Variants in RYR3 observed in about 807,000 individuals in gnomAD.
The protein encoded by RYR3 is brain ryanodine receptor-calcium release channel.
Under a neutral mutation model 584.3 loss-of-function variants are expected in RYR3, and 207 were observed. That is an observed-to-expected ratio of 0.35 (90% confidence interval 0.32 to 0.40). The LOEUF (loss-of-function observed/expected upper bound fraction) is 0.40. RYR3 is among the 10% of genes least tolerant of loss of function. The pLI is 1.00. For missense variants in RYR3, 5,616 were observed against 6,089.2 expected, an observed-to-expected ratio of 0.92 and a Z score of 2.59; for synonymous variants, 2,416 against 2,248.5, an observed-to-expected ratio of 1.07 and a Z score of -2.11.
At chr15:33,630,306 G>A (rs2061201674) in intron 22 of RYR3, among the ~76,000 whole-genome samples, 1 of 152,086 alleles carries the variant, frequency 6.6e-6, no homozygotes, top group Non-Finnish European at 1.5e-5. Context: ...AAAGGACCAA[G>A]TACCTCCTGC....
Position 33,794,764 on chromosome 15 carries a change from T to C in RYR3, c.9831-6006T>C, listed in dbSNP as rs115536997. Among the ~76,000 whole-genome samples the C allele has an allele frequency of 5.3e-3, 806 of 152,292 alleles. 6 individuals are homozygous for C. Among genetic ancestry groups the C allele is most frequent in the African/African-American group, 0.018 (751 of 41,564 alleles). ...TACAGGCTTCCAACATGAGTGCCTT[T>C]AGTTTCTTCAGGTCCTCTCTTCATC... On this transcript the variant is annotated intron_variant, in intron 67 of 103. Coordinates refer to ENST00000634891, the MANE Select transcript of RYR3 (RefSeq NM_001036.6).
In RYR3 at chr15:33,550,283, C is replaced by G; in HGVS notation, c.939C>G (p.Thr313=). Residue 313 remains threonine (T), a synonymous_variant, in exon 10 of 104, where the codon ACC becomes ACG. Coordinates refer to ENST00000634891, the MANE Select transcript of RYR3 (RefSeq NM_001036.6). Reference sequence around the variant, plus strand: ...TGCAAGACCGGGCAAAGTCAGACACCAAGTCCACAGCTTTCTCTTTCCGGG... The same window carrying G: ...TGCAAGACCGGGCAAAGTCAGACACGAAGTCCACAGCTTTCTCTTTCCGGG... ...LILQDRAKSD[T]KSTAFSFRAS... is the part of the protein sequence containing the mutation. 3 of 1,613,428 alleles carry G rather than the reference C, an allele frequency of 1.9e-6. No homozygotes were observed. Among genetic ancestry groups the G allele is most frequent in the Non-Finnish European group, 2.5e-6 (3 of 1,179,668 alleles).
At chr15:33,312,324 A>C (rs1471635868) in intron 1 of RYR3, among the ~76,000 whole-genome samples, 1 of 151,780 alleles carries the variant, frequency 6.6e-6, no homozygotes, top group Non-Finnish European at 1.5e-5. Context: ...AATTTACTTC[A>C]GTTTCTCTTC....
At chr15:33,810,707 T>A in intron 71 of RYR3, 58 bp downstream of exon 71, 1 of 1,604,802 alleles carries the variant, frequency 6.2e-7, no homozygotes, top group Non-Finnish European at 8.5e-7. Context: ...GTGATAAGCA[T>A]TCAGCCCCTG....
chr15:33,739,751 T>C, intron 50 of RYR3, 81 bp from the exon 51 acceptor site: 1 of 1,210,886 alleles, frequency 8.3e-7, no homozygotes, highest in East Asian at 2.4e-5. Context: ...TTATTTCTGT[T>C]TTCAGCTGAT....
chr15:33,595,646 T>C (rs1024519943), intron 16 of RYR3, among the ~76,000 whole-genome samples: 2 of 152,176 alleles, frequency 1.3e-5, no homozygotes, highest in Non-Finnish European at 2.9e-5. Flanking sequence ...TTATTTTGAT[T>C]GACATCTTCT....
At chr15:33,532,135 G>A (rs1040460196) in intron 4 of RYR3, among the ~76,000 whole-genome samples, 14 of 152,042 alleles carry the variant, frequency 9.2e-5, no homozygotes, top group African/African-American at 3.4e-4. Flanking sequence ...TCTTCCTCTC[G>A]CAGAGAAGTA....
At chr15:33,778,424 G>A (rs1219791589) in intron 64 of RYR3, among the ~76,000 whole-genome samples, 1 of 152,192 alleles carries the variant, frequency 6.6e-6, no homozygotes, top group Non-Finnish European at 1.5e-5. Context: ...TCTTGTGAAT[G>A]CCTGTATTTG....
At chr15:33,753,686 C>T (rs1035030416) in intron 57 of RYR3, among the ~76,000 whole-genome samples, 3 of 152,060 alleles carry the variant, frequency 2.0e-5, no homozygotes, top group Non-Finnish European at 2.9e-5. Context: ...TCTATTGTAT[C>T]TCATATGAAA....
chr15:33,379,687 C>CTCTCTCTCTCTCTATATATATATATATA, intron 1 of RYR3, among the ~76,000 whole-genome samples: 21 of 125,508 alleles, frequency 1.7e-4, no homozygotes, highest in African/African-American at 4.3e-4. Context: ...CTCTCTCTCT[C>CTCTCTCTCTCTCTATATATATATATATA]TATATATATA....
At position 33,628,387 on chromosome 15, in the gene RYR3, A is replaced by G. The variant is rs2061100715; in HGVS notation, c.2575-84A>G. ...GCAGCTCCTCCTGGGTGATGTGCCAATTCAAGTGGGGTGCCCAGCTCCTAT... is the reference window on the plus strand; with the variant it reads ...GCAGCTCCTCCTGGGTGATGTGCCAGTTCAAGTGGGGTGCCCAGCTCCTAT... On this transcript the variant is annotated intron_variant, in intron 20 of 103. Transcript: ENST00000634891. The G allele has an allele frequency of 1.6e-5, 15 of 928,900 alleles. No homozygotes were observed. In the East Asian group the frequency reaches 3.0e-4, roughly 19 times the overall value. The allele number at this position is 928,900 out of a possible 1,614,324, so 57.5% of individuals were successfully genotyped here. A position where few individuals can be genotyped will look rare whatever the true frequency, so the allele number is the denominator to read the frequency against.
At position 33,789,529 on chromosome 15, in the gene RYR3, G is replaced by A. The variant is rs892999389; in HGVS notation, c.9830+1071G>A. 2.0e-5 allele frequency among the ~76,000 whole-genome samples: 3 copies of A among 146,478 alleles called. No homozygotes were observed. In the Admixed American group the frequency reaches 2.1e-4, roughly 10 times the overall value. On this transcript the variant is annotated intron_variant, in intron 67 of 103. Coordinates refer to ENST00000634891, the MANE Select transcript of RYR3 (RefSeq NM_001036.6). ...TTCCTTTTGGGGTGATGAAAACATC[G>A]TGGAACTGGATGATTGTAGTTTCAC...
chr15:33,549,098 A>T (rs2056474655), intron 9 of RYR3, among the ~76,000 whole-genome samples: 1 of 152,052 alleles, frequency 6.6e-6, no homozygotes, highest in South Asian at 2.1e-4. Flanking sequence ...TTGGCGGCTG[A>T]TGGTTTAAGG....
intron 12 of RYR3, among the ~76,000 whole-genome samples, chr15:33,568,855 C>T (rs554071744): frequency 5.3e-5 from 8 of 152,306 alleles, no homozygotes; most frequent in South Asian, 2.1e-4. Context: ...CTAGTTGCCA[C>T]CCACAGCCCT....
intron 3 of RYR3, among the ~76,000 whole-genome samples, chr15:33,516,301 A>G (rs1048936354): frequency 6.0e-5 from 9 of 151,218 alleles, no homozygotes; most frequent in Admixed American, 4.6e-4. Flanking sequence ...ACATACATGT[A>G]TATCCCTCTA....
At position 33,684,442 on chromosome 15, in the gene RYR3, G is replaced by A. The variant is rs540521789; in HGVS notation, c.5861-11776G>A. On this transcript the variant is annotated intron_variant, in intron 38 of 103. Coordinates refer to ENST00000634891, the MANE Select transcript of RYR3 (RefSeq NM_001036.6). ...GAGAATTAACAAACAGAAAAGAATA[G>A]CATCAACATTAAAAAAAAGGACATC... Among the ~76,000 whole-genome samples the A allele has an allele frequency of 1.1e-3, 157 of 140,088 alleles. 1 individual carries two copies. In the Middle Eastern group the frequency reaches 0.014, roughly 13 times the overall value. The allele number at this position is 140,088 out of a possible 152,430, so 91.9% of individuals were successfully genotyped here. A position where few individuals can be genotyped will look rare whatever the true frequency, so the allele number is the denominator to read the frequency against.
chr15:33,676,611 A>G (rs2064194997), intron 38 of RYR3, among the ~76,000 whole-genome samples: 1 of 151,824 alleles, frequency 6.6e-6, no homozygotes, highest in African/African-American at 2.4e-5. Context: ...CAAGGGCAGA[A>G]CTTTACTTTT....
chr15:33,460,874 T>G (rs2459470), intron 1 of RYR3, among the ~76,000 whole-genome samples: 87,472 of 148,764 alleles, frequency 0.59, 26,866 homozygotes, highest in African/African-American at 0.79. Flanking sequence ...TCCGTGATTT[T>G]TGATAGGAAC....
At chr15:33,629,899 G>C in intron 21 of RYR3, 41 bp from the exon 22 acceptor site, 1 of 1,199,214 alleles carries the variant, frequency 8.3e-7, no homozygotes, top group South Asian at 1.3e-5. Flanking sequence ...GTGCCAGCTG[G>C]TCAAAACTTA....
Sources: gnomAD v4.1 joint callset for allele counts (sites outside exome capture counted in the v4.1 genomes callset) on GRCh38, gnomAD v4.1.1 for gene constraint, MANE v1.5 for transcripts, NCBI Gene and HGNC (gene_info 2026-07-23, HGNC 2026-07-21) for gene names.